Variants in RIMS2 observed in about 807,000 individuals in gnomAD.
The protein encoded by RIMS2 is regulating synaptic membrane exocytosis 2.
RIMS2 carries 59 observed loss-of-function variants against 174.4 expected under a neutral mutation model. The ratio of observed to expected loss-of-function variants is 0.34; its 90% CI spans 0.27 to 0.42. RIMS2 has a LOEUF of 0.42. Among genes scored for constraint, RIMS2 ranks in the 10% least tolerant of loss-of-function variants. The pLI is 1.00. For missense variants in RIMS2, 1,620 were observed against 1,666.3 expected, an observed-to-expected ratio of 0.97 and a Z score of 0.48; for synonymous variants, 606 against 572.5, an observed-to-expected ratio of 1.06 and a Z score of -0.84.
chr8:103,694,035 G>A (rs1426572264), intron 1 of RIMS2, among the ~76,000 whole-genome samples: 1 of 152,092 alleles, frequency 6.6e-6, no homozygotes, highest in East Asian at 1.9e-4. Context: ...TCTTGTGTCC[G>A]CAAGAGTGGA....
chr8:103,966,526 T>A (rs1282001469), intron 15 of RIMS2, among the ~76,000 whole-genome samples: 1 of 152,132 alleles, frequency 6.6e-6, no homozygotes, highest in Non-Finnish European at 1.5e-5. Flanking sequence ...TTAATTAGCC[T>A]GTCTAGAGGC....
chr8:103,741,910 A>T (rs577250637), intron 2 of RIMS2, among the ~76,000 whole-genome samples: 1 of 152,098 alleles, frequency 6.6e-6, no homozygotes, highest in Admixed American at 6.6e-5. Context: ...TGCGATTTAA[A>T]TAAGTATGTT....
At chr8:104,248,787 G>A (rs1252961103) in exon 21 of RIMS2, 1 of 1,605,700 alleles carries the variant, frequency 6.2e-7, no homozygotes, top group East Asian at 2.2e-5. Flanking sequence ...CTAGTGGGAC[G>A]CCAGACTCTG....
chr8:104,064,978 A>G (rs1212283555), intron 19 of RIMS2, among the ~76,000 whole-genome samples: 2 of 152,110 alleles, frequency 1.3e-5, no homozygotes, highest in Non-Finnish European at 2.9e-5. Flanking sequence ...ATAGTTCATC[A>G]CATATAAGAA....
At chr8:104,018,976 A>G (rs1330315483) in intron 19 of RIMS2, among the ~76,000 whole-genome samples, 7 of 152,164 alleles carry the variant, frequency 4.6e-5, no homozygotes, top group African/African-American at 1.7e-4. Flanking sequence ...ATGTTCTTGA[A>G]AGGATTTTAA....
chr8:103,663,481 A>G (rs1447279773), intron 1 of RIMS2, among the ~76,000 whole-genome samples: 2 of 152,190 alleles, frequency 1.3e-5, no homozygotes, highest in African/African-American at 2.4e-5. Context: ...AAGCATTCCT[A>G]TACACCAATA....
chr8:104,058,768 G>C (rs2096921311), intron 19 of RIMS2, among the ~76,000 whole-genome samples: 1 of 152,162 alleles, frequency 6.6e-6, no homozygotes, highest in South Asian at 2.1e-4. Context: ...AAGGGATCCA[G>C]TTTCAGCTTT....
chr8:104,234,952 G>T (rs1000885767), intron 19 of RIMS2, among the ~76,000 whole-genome samples: 1 of 152,154 alleles, frequency 6.6e-6, no homozygotes, highest in Non-Finnish European at 1.5e-5. Flanking sequence ...AATTTTTCGT[G>T]TGGGTTGGTC....
At chr8:103,994,651 A>T (rs1238317087) in intron 17 of RIMS2, among the ~76,000 whole-genome samples, 2 of 152,230 alleles carry the variant, frequency 1.3e-5, no homozygotes, top group South Asian at 2.1e-4. Context: ...ATGGCTGTGG[A>T]CCTTAGGTAG....
intron 3 of RIMS2, among the ~76,000 whole-genome samples, chr8:103,835,814 TAA>T (rs2098883126): frequency 6.6e-6 from 1 of 152,226 alleles, no homozygotes; most frequent in Non-Finnish European, 1.5e-5. Context: ...ATGTCCTAAT[TAA>T]ATAATCACTG....
intron 14 of RIMS2, among the ~76,000 whole-genome samples, chr8:103,946,352 C>T (rs1167654627): frequency 6.6e-6 from 1 of 151,938 alleles, no homozygotes; most frequent in African/African-American, 2.4e-5. Flanking sequence ...ATTAGCCTGG[C>T]GTGGTGGCAG....
rs541223259 is a variant in RIMS2 at position 104,230,169 on chromosome 8, C to T, written c.3335-14747C>T. Among the ~76,000 whole-genome samples the T allele has an allele frequency of 5.3e-5, 8 of 151,696 alleles. No individual in the cohort carries two copies. The South Asian group carries it at 1.7e-3, about 32-fold the overall frequency. On this transcript the variant is annotated intron_variant, in intron 19 of 23. Transcript: ENST00000504942. ...TGGTGCATGCATGTAATCCCAGCTACTCAGGAGGCTGAGGCAGGAGAATCT... is the reference window on the plus strand; with the variant it reads ...TGGTGCATGCATGTAATCCCAGCTATTCAGGAGGCTGAGGCAGGAGAATCT...
chr8:104,000,197 C>T (rs1473192273), intron 17 of RIMS2, among the ~76,000 whole-genome samples: 3 of 151,564 alleles, frequency 2.0e-5, no homozygotes, highest in African/African-American at 7.3e-5. Flanking sequence ...CCCTCTTCAT[C>T]TCCTTCTCTC....
chr8:104,221,291 G>A (rs191024578), intron 19 of RIMS2, among the ~76,000 whole-genome samples: 2 of 151,996 alleles, frequency 1.3e-5, no homozygotes, highest in African/African-American at 2.4e-5. Context: ...TAAAACAATA[G>A]TGCAATTGAT....
intron 19 of RIMS2, among the ~76,000 whole-genome samples, chr8:104,143,621 C>G (rs1161202781): frequency 6.6e-6 from 1 of 152,176 alleles, no homozygotes; most frequent in African/African-American, 2.4e-5. Flanking sequence ...TGTTTCTAAT[C>G]TACCAGGAAT....
At chr8:104,255,693 T>C (rs1030229183), downstream of RIMS2, 1 of 152,228 alleles carries the variant, frequency 6.6e-6, no homozygotes. Context: ...TGACATTCTG[T>C]GCACGTAAAA....
intron 8 of RIMS2, 119 bp downstream of exon 11, chr8:103,916,656 C>A: frequency 1.3e-6 from 1 of 767,744 alleles, no homozygotes; most frequent in Non-Finnish European, 2.0e-6. Context: ...TAGACAATAA[C>A]TTTTTCTCTT....
At position 103,738,292 on chromosome 8, in the gene RIMS2, G is replaced by A. The variant is rs531951288; in HGVS notation, c.388-27935G>A. Among the ~76,000 whole-genome samples the A allele has an allele frequency of 9.2e-5, 14 of 152,144 alleles. No individual in the cohort carries two copies. In the South Asian group the frequency reaches 1.9e-3, roughly 20 times the overall value. Reference sequence around the variant, plus strand: ...TGAAGTGGAAAGATTTTAAATTTCAGTCACTTTGATTTAAACTTCAAAAAC... The same window carrying A: ...TGAAGTGGAAAGATTTTAAATTTCAATCACTTTGATTTAAACTTCAAAAAC... On this transcript the variant is annotated intron_variant, in intron 2 of 23. Coordinates refer to ENST00000504942, the Ensembl canonical transcript of RIMS2.
At chr8:104,221,780 ATTAC>A (rs550986809) in intron 19 of RIMS2, among the ~76,000 whole-genome samples, 62 of 152,320 alleles carry the variant, frequency 4.1e-4, no homozygotes, top group African/African-American at 1.3e-3. Flanking sequence ...TAAAAGGATT[ATTAC>A]TTGTATGCAT....
Sources: allele counts gnomAD v4.1 joint callset (sites outside exome capture counted in the v4.1 genomes callset), GRCh38; gene constraint gnomAD v4.1.1; transcripts MANE v1.5; gene names NCBI Gene and HGNC (gene_info 2026-07-23, HGNC 2026-07-21).